Variants in LDAH observed in about 807,000 individuals in gnomAD.
The protein encoded by LDAH is lipid droplet-associated hydrolase.
Under a neutral mutation model 29.6 loss-of-function variants are expected in LDAH, and 26 were observed. The ratio of observed to expected loss-of-function variants is 0.88; its 90% confidence interval spans 0.64 to 1.22. The LOEUF (loss-of-function observed/expected upper bound fraction) is 1.22. Ranked by LOEUF, LDAH falls within the 50% of genes most tolerant of loss-of-function variation. LDAH has a pLI of 0.00. For missense variants in LDAH, 344 were observed against 387.3 expected, an observed-to-expected ratio of 0.89 and a Z score of 0.94; for synonymous variants, 117 against 133.0, an observed-to-expected ratio of 0.88 and a Z score of 0.83.
At chr2:20,716,927 A>G (rs1572464792) in intron 5 of LDAH, among the ~76,000 whole-genome samples, 1 of 152,020 alleles carries the variant, frequency 6.6e-6, no homozygotes, top group African/African-American at 2.4e-5. Context: ...CCTTACCTAC[A>G]TACTGTGAGT....
chr2:20,792,709 G>A (rs1401707712), intron 2 of LDAH, among the ~76,000 whole-genome samples: 4 of 152,072 alleles, frequency 2.6e-5, no homozygotes, highest in African/African-American at 9.7e-5. Context: ...TAACATTAAG[G>A]AGACACTAAA....
At chr2:20,822,845 A>C (rs975582445) in intron 1 of LDAH, among the ~76,000 whole-genome samples, 192 bp downstream of exon 1, 1 of 151,904 alleles carries the variant, frequency 6.6e-6, no homozygotes, top group African/African-American at 2.4e-5. Flanking sequence ...AACTCAAGGG[A>C]CTCCCAGGCC....
intron 3 of LDAH, among the ~76,000 whole-genome samples, chr2:20,782,244 C>A (rs991003555): frequency 6.6e-6 from 1 of 152,166 alleles, no homozygotes; most frequent in Non-Finnish European, 1.5e-5. Context: ...AATAAACCCT[C>A]CAGGTGATTT....
At chr2:20,714,868 T>G (rs1178867367) in intron 5 of LDAH, among the ~76,000 whole-genome samples, 1 of 152,034 alleles carries the variant, frequency 6.6e-6, no homozygotes, top group Non-Finnish European at 1.5e-5. Context: ...AATAACAGGA[T>G]CTGAAATTGA....
At chr2:20,780,948 G>A (rs1670153605) in intron 3 of LDAH, among the ~76,000 whole-genome samples, 1 of 152,104 alleles carries the variant, frequency 6.6e-6, no homozygotes, top group African/African-American at 2.4e-5. Flanking sequence ...AAGCTCCACT[G>A]GGTTTTCTCT....
chr2:20,757,844 C>T (rs149648119), intron 4 of LDAH, among the ~76,000 whole-genome samples: 1,680 of 152,132 alleles, frequency 0.011, 25 homozygotes, highest in African/African-American at 0.038. Flanking sequence ...TTCCTGGGTC[C>T]TGAGGCTGCC....
intron 5 of LDAH, among the ~76,000 whole-genome samples, chr2:20,732,060 C>G (rs1180525675): frequency 6.6e-6 from 1 of 152,086 alleles, no homozygotes; most frequent in Non-Finnish European, 1.5e-5. Flanking sequence ...GTGCTGAGAG[C>G]AGACATCTTT....
At chr2:20,770,741 A>G (rs1669356793) in intron 4 of LDAH, among the ~76,000 whole-genome samples, 1 of 152,180 alleles carries the variant, frequency 6.6e-6, no homozygotes, top group Admixed American at 6.5e-5. Context: ...TGTAATAGCT[A>G]TAGGCTCTGC....
chr2:20,684,991 C>G lies in LDAH; in HGVS notation c.*1912G>C. On this transcript the variant is annotated 3_prime_UTR_variant, in exon 7 of 7. Coordinates refer to ENST00000237822, the MANE Select transcript of LDAH (RefSeq NM_021925.4). ...GAGAGACTTTGAGCCGAGTCTAACT[C>G]AGGAGAACTGCTCAAATTGTACCCT... 1.3e-6 allele frequency: 2 copies of G among 1,540,940 alleles called. No individual in the cohort carries two copies. The highest frequency in any genetic ancestry group is 1.2e-5 in the South Asian group (1 of 82,196).
At chr2:20,729,938 G>C (rs548533665) in intron 5 of LDAH, among the ~76,000 whole-genome samples, 1 of 152,160 alleles carries the variant, frequency 6.6e-6, no homozygotes, top group Non-Finnish European at 1.5e-5. Context: ...CAGGACTACA[G>C]GTGTGTGCCA....
intron 5 of LDAH, among the ~76,000 whole-genome samples, chr2:20,717,821 CTG>C (rs1191660864): frequency 6.6e-6 from 1 of 152,132 alleles, no homozygotes; most frequent in Admixed American, 6.5e-5. Flanking sequence ...AGGTCTCACT[CTG>C]TCACCTAAGC....
At chr2:20,733,511 T>A (rs982544265) in intron 5 of LDAH, among the ~76,000 whole-genome samples, 1 of 151,312 alleles carries the variant, frequency 6.6e-6, no homozygotes, top group Non-Finnish European at 1.5e-5. Context: ...GGGATCCTCC[T>A]GCCTCAGTCC....
chr2:20,796,201 C>G, intron 2 of LDAH, among the ~76,000 whole-genome samples: 1 of 152,162 alleles, frequency 6.6e-6, no homozygotes, highest in East Asian at 1.9e-4. Context: ...AATGGGCTCT[C>G]TTCCTTTCAA....
chr2:20,700,808 T>A (rs1431981331), intron 6 of LDAH, among the ~76,000 whole-genome samples: 1 of 152,246 alleles, frequency 6.6e-6, no homozygotes, highest in Non-Finnish European at 1.5e-5. Context: ...ATATAAAAAT[T>A]AATGAAATAC....
chr2:20,699,164 T>C (rs1236901916), intron 6 of LDAH, among the ~76,000 whole-genome samples: 1 of 152,228 alleles, frequency 6.6e-6, no homozygotes, highest in Non-Finnish European at 1.5e-5. Flanking sequence ...TTCAACAAAA[T>C]GTGTGGCTTG....
At chr2:20,795,961 A>G (rs1007039462) in intron 2 of LDAH, among the ~76,000 whole-genome samples, 2 of 151,534 alleles carry the variant, frequency 1.3e-5, no homozygotes, top group Non-Finnish European at 2.9e-5. Context: ...ACACACACAC[A>G]CACACACACA....
intron 2 of LDAH, among the ~76,000 whole-genome samples, chr2:20,792,988 G>A (rs1211781059): frequency 2.6e-5 from 4 of 152,108 alleles, no homozygotes; most frequent in African/African-American, 7.2e-5. Context: ...TTAAGTCTGA[G>A]TTCTTAAGCT....
At chr2:20,701,686 A>G in intron 5 of LDAH, 34 bp from the exon 6 acceptor site, 1 of 1,545,788 alleles carries the variant, frequency 6.5e-7, no homozygotes, top group Non-Finnish European at 8.9e-7. Context: ...AAACATTTAG[A>G]ATATATAGAA....
intron 6 of LDAH, among the ~76,000 whole-genome samples, chr2:20,696,695 T>C (rs1034475231): frequency 1.3e-5 from 2 of 152,206 alleles, no homozygotes; most frequent in East Asian, 1.9e-4. Flanking sequence ...GCATCCCTTA[T>C]GGCTTAGAAC....
Sources: gnomAD v4.1 joint callset for allele counts (sites outside exome capture counted in the v4.1 genomes callset) on GRCh38, gnomAD v4.1.1 for gene constraint, MANE v1.5 for transcripts, NCBI Gene and HGNC (gene_info 2026-07-23, HGNC 2026-07-21) for gene names.